The following GRM5 variants were observed in gnomAD, a reference collection of about 807,000 sequenced individuals.
GRM5 encodes the protein metabotropic glutamate receptor 5.
A neutral mutation model predicts 83.1 loss-of-function variants in GRM5; 19 were observed. The observed-to-expected ratio is 0.23, with a 90% CI of 0.16 to 0.34. The LOEUF (loss-of-function observed/expected upper bound fraction) is 0.34, where lower values mean the gene tolerates loss of function less well. Among genes scored for constraint, GRM5 ranks in the 10% least tolerant of loss-of-function variants. The pLI is 1.00. For missense variants in GRM5, 1,160 were observed against 1,588.3 expected, an observed-to-expected ratio of 0.73 and a Z score of 4.58; for synonymous variants, 675 against 633.6, an observed-to-expected ratio of 1.07 and a Z score of -0.98.
At chr11:88,726,543 C>A (rs991126179) in intron 3 of GRM5, among the ~76,000 whole-genome samples, 1 of 152,048 alleles carries the variant, frequency 6.6e-6, no homozygotes, top group African/African-American at 2.4e-5. Context: ...ACAAAAACAC[C>A]ACAAAGATAA....
At chr11:88,745,268 A>G (rs1942113509) in intron 3 of GRM5, among the ~76,000 whole-genome samples, 1 of 146,278 alleles carries the variant, frequency 6.8e-6, no homozygotes, top group South Asian at 2.2e-4. Flanking sequence ...TGGTACAATC[A>G]CAGCTCACTG....
chr11:88,724,974 G>A (rs969063024), intron 3 of GRM5, among the ~76,000 whole-genome samples: 2 of 152,096 alleles, frequency 1.3e-5, no homozygotes, highest in East Asian at 3.9e-4. Context: ...AAACTGGGTG[G>A]CCATTTGGGC....
intron 1 of GRM5, among the ~76,000 whole-genome samples, chr11:89,060,314 G>A (rs1449054402): frequency 6.7e-6 from 1 of 150,050 alleles, no homozygotes; most frequent in African/African-American, 2.5e-5. Flanking sequence ...ACATATATAT[G>A]AATGAAATAT....
In GRM5 at chr11:88,806,342, T is replaced by C. The variant is rs559167507; in HGVS notation, c.911+43564A>G. Among the ~76,000 whole-genome samples, 23 of 152,348 alleles carry C rather than the reference T, an allele frequency of 1.5e-4. 1 individual carries two copies. In the South Asian group the frequency reaches 3.7e-3, roughly 25 times the overall value. ...ATTCTCAATCATTTATTTGCAAGAA[T>C]TTATTAAAGATATGGTGTGTTCTTT... is the stretch of plus-strand genomic sequence containing the variant. On this transcript the variant is annotated intron_variant, in intron 3 of 9. Transcript: ENST00000305447.
In GRM5 at chr11:88,670,448, T is replaced by C. The variant is rs753727711; in HGVS notation, c.912-17045A>G. Among the ~76,000 whole-genome samples, 7 of 151,828 alleles carry C rather than the reference T, an allele frequency of 4.6e-5. 1 individual carries two copies. The East Asian group carries it at 1.4e-3, about 29-fold the overall frequency. ...AAAGACACCACTAATTGAATAAAAATGTAGGCCACAAATTAGGAGAAGATC... is the reference window on the plus strand; with the variant it reads ...AAAGACACCACTAATTGAATAAAAACGTAGGCCACAAATTAGGAGAAGATC... On this transcript the variant is annotated intron_variant, in intron 3 of 9. Coordinates refer to ENST00000305447, the MANE Select transcript of GRM5 (RefSeq NM_001143831.3).
At chr11:88,984,141 G>T (rs1245363535) in intron 2 of GRM5, among the ~76,000 whole-genome samples, 1 of 152,068 alleles carries the variant, frequency 6.6e-6, no homozygotes, top group Admixed American at 6.5e-5. Flanking sequence ...AGTTTACTGT[G>T]TTTATAAAGT....
chr11:88,783,076 C>T (rs1943003338), intron 3 of GRM5, among the ~76,000 whole-genome samples: 1 of 152,044 alleles, frequency 6.6e-6, no homozygotes, highest in South Asian at 2.1e-4. Context: ...CTGGACTCTA[C>T]ATTACTGTGC....
intron 3 of GRM5, among the ~76,000 whole-genome samples, chr11:88,846,923 A>G (rs1208967253): frequency 2.0e-5 from 3 of 152,320 alleles, no homozygotes; most frequent in Admixed American, 6.5e-5. Flanking sequence ...CTCAGGTTCT[A>G]TGTAGAACCT....
At chr11:88,854,119 G>A (rs1406833612) in intron 2 of GRM5, among the ~76,000 whole-genome samples, 1 of 144,170 alleles carries the variant, frequency 6.9e-6, no homozygotes, top group Non-Finnish European at 1.5e-5. Flanking sequence ...CTAAAAAATG[G>A]GTTTAAAAAG....
chr11:88,551,962 T>C (rs1253926429), intron 8 of GRM5, among the ~76,000 whole-genome samples: 1 of 152,146 alleles, frequency 6.6e-6, no homozygotes, highest in Non-Finnish European at 1.5e-5. Flanking sequence ...GAGGTGTATG[T>C]TTTTAAAATC....
chr11:88,780,018 A>G (rs895737786), intron 3 of GRM5, among the ~76,000 whole-genome samples: 2 of 152,070 alleles, frequency 1.3e-5, no homozygotes, highest in South Asian at 2.1e-4. Context: ...TGTTCTCCCC[A>G]TGCCCTCTTT....
At chr11:89,025,392 G>A in intron 2 of GRM5, among the ~76,000 whole-genome samples, 1 of 151,800 alleles carries the variant, frequency 6.6e-6, no homozygotes, top group Non-Finnish European at 1.5e-5. Context: ...AGACTTCAGT[G>A]AGAGTGAAAA....
At chr11:88,599,052 T>C (rs974736843) in intron 5 of GRM5, among the ~76,000 whole-genome samples, 1 of 152,174 alleles carries the variant, frequency 6.6e-6, no homozygotes, top group Non-Finnish European at 1.5e-5. Flanking sequence ...CTGCTCCAAA[T>C]CCTGGGTACT....
At chr11:88,871,393 CA>C (rs1944764963) in intron 2 of GRM5, among the ~76,000 whole-genome samples, 1 of 151,644 alleles carries the variant, frequency 6.6e-6, no homozygotes, top group Non-Finnish European at 1.5e-5. Context: ...AGGAGACCTA[CA>C]TGCATCTAAG....
chr11:88,992,865 C>T (rs12291184), intron 2 of GRM5, among the ~76,000 whole-genome samples: 56,024 of 95,862 alleles, frequency 0.58, 13,462 homozygotes, highest in South Asian at 0.72. Context: ...CGGGGCCTGT[C>T]GTGGGGTGGG....
At chr11:88,818,620 C>A (rs950236382) in intron 3 of GRM5, among the ~76,000 whole-genome samples, 1 of 151,950 alleles carries the variant, frequency 6.6e-6, no homozygotes, top group African/African-American at 2.4e-5. Flanking sequence ...GATAGTAGAC[C>A]AATATATTTA....
At chr11:89,033,850 GC>G in intron 2 of GRM5, among the ~76,000 whole-genome samples, 1 of 151,606 alleles carries the variant, frequency 6.6e-6, no homozygotes, top group South Asian at 2.1e-4. Flanking sequence ...AAAGTAAAAA[GC>G]TAAGACTCAG....
intron 2 of GRM5, among the ~76,000 whole-genome samples, chr11:88,889,477 C>A (rs563334182): frequency 6.6e-6 from 1 of 152,110 alleles, no homozygotes; most frequent in African/African-American, 2.4e-5. Flanking sequence ...ACTGTTACAT[C>A]GTAACATAAT....
chr11:89,026,614 T>A (rs142974708), intron 2 of GRM5, among the ~76,000 whole-genome samples: 2,119 of 152,268 alleles, frequency 0.014, 59 homozygotes, highest in Admixed American at 0.071. Flanking sequence ...ATCTGCATTG[T>A]AAGACAATGT....
Sources: allele counts gnomAD v4.1 joint callset (sites outside exome capture counted in the v4.1 genomes callset), GRCh38; gene constraint gnomAD v4.1.1; transcripts MANE v1.5; gene names NCBI Gene and HGNC (gene_info 2026-07-23, HGNC 2026-07-21).